The following SNX14 variants were observed in gnomAD, a reference collection of about 807,000 sequenced individuals.
The protein encoded by SNX14 is sorting nexin-14.
SNX14 carries 93 observed loss-of-function variants against 133.8 expected under a neutral mutation model. The observed-to-expected ratio is 0.70, with a 90% confidence interval of 0.59 to 0.83. The LOEUF (loss-of-function observed/expected upper bound fraction) is 0.83, where lower values mean the gene tolerates loss of function less well. SNX14 is among the 40% of genes least tolerant of loss of function. The pLI, the probability that SNX14 is intolerant of heterozygous loss-of-function variation, is 0.00. For synonymous variants in SNX14, 368 were observed against 365.6 expected (o/e 1.01, Z -0.07); for missense variants, 945 against 1,094.9 (o/e 0.86, Z 1.93).
intron 1 of SNX14, among the ~76,000 whole-genome samples, chr6:85,585,995 A>G (rs1441009760): frequency 8.6e-5 from 13 of 152,012 alleles, no homozygotes; most frequent in Admixed American, 2.0e-4. Context: ...AACAGGAAAA[A>G]AAAAAAAAAA....
At position 85,538,871 on chromosome 6, in the gene SNX14, T is replaced by A. The variant is rs377314740; in HGVS notation, c.1449-7A>T. 4.4e-6 allele frequency: 7 copies of A among 1,594,066 alleles called. No individual in the cohort carries two copies. In the South Asian group the frequency reaches 8.0e-5, roughly 18 times the overall value. On this transcript the variant is annotated splice_region_variant and splice_polypyrimidine_tract_variant and intron_variant, in intron 15 of 28. Transcript: ENST00000314673. ...ATCCAAACTTAGGCTACCTCTGCAA[T>A]AACAGGTATGTGAAATAATATAAGG...
chr6:85,550,836 C>A (rs370359638), intron 7 of SNX14, among the ~76,000 whole-genome samples: 1 of 151,428 alleles, frequency 6.6e-6, no homozygotes, highest in Admixed American at 6.6e-5. Context: ...CAGGCTGGAA[C>A]GCAATGGCAT....
At chr6:85,567,769 G>A (rs1794337981) in intron 4 of SNX14, 192 bp from the exon 5 acceptor site, 1 of 363,016 alleles carries the variant, frequency 2.8e-6, no homozygotes, top group African/African-American at 2.2e-5. Context: ...GATGGCTTTA[G>A]CTCACGAGTT....
chr6:85,551,108 C>T (rs1223063405), intron 7 of SNX14, among the ~76,000 whole-genome samples: 1 of 152,118 alleles, frequency 6.6e-6, no homozygotes, highest in African/African-American at 2.4e-5. Flanking sequence ...CATCTGCTTT[C>T]ACATCCAAGT....
At chr6:85,572,761 A>T (rs1157653391) in intron 2 of SNX14, among the ~76,000 whole-genome samples, 1 of 152,162 alleles carries the variant, frequency 6.6e-6, no homozygotes, top group African/African-American at 2.4e-5. Context: ...GTTTGAGGCC[A>T]GCCTGGGAAA....
intron 18 of SNX14, among the ~76,000 whole-genome samples, chr6:85,532,812 T>C (rs541914405): frequency 6.6e-6 from 1 of 152,310 alleles, no homozygotes; most frequent in African/African-American, 2.4e-5. Flanking sequence ...TCTATTACAG[T>C]CTATACCTGA....
At chr6:85,589,969 G>C (rs918122064) in intron 1 of SNX14, among the ~76,000 whole-genome samples, 1 of 152,194 alleles carries the variant, frequency 6.6e-6, no homozygotes, top group African/African-American at 2.4e-5. Flanking sequence ...CTGAATTAGA[G>C]ACATTATGTC....
chr6:85,572,616 A>G (rs1305956195), intron 2 of SNX14, among the ~76,000 whole-genome samples: 1 of 152,224 alleles, frequency 6.6e-6, no homozygotes, highest in Non-Finnish European at 1.5e-5. Flanking sequence ...GCTTAAAGTT[A>G]AAATCAATTG....
At chr6:85,562,130 T>C (rs1791849657) in intron 6 of SNX14, among the ~76,000 whole-genome samples, 1 of 152,210 alleles carries the variant, frequency 6.6e-6, no homozygotes, top group Non-Finnish European at 1.5e-5. Flanking sequence ...TTAATTCACT[T>C]AGGACCAGCT....
chr6:85,580,233 C>T (rs1366972985), intron 1 of SNX14, among the ~76,000 whole-genome samples: 4 of 152,178 alleles, frequency 2.6e-5, no homozygotes, highest in African/African-American at 9.7e-5. Flanking sequence ...TCTAGACACA[C>T]CCTGGGCCAG....
intron 6 of SNX14, among the ~76,000 whole-genome samples, chr6:85,561,507 A>G (rs1015842968): frequency 1.4e-4 from 22 of 152,346 alleles, no homozygotes; most frequent in African/African-American, 4.1e-4. Flanking sequence ...CAACCAATTG[A>G]TATTTCTTAC....
intron 21 of SNX14, among the ~76,000 whole-genome samples, chr6:85,521,106 A>G (rs1461972829): frequency 2.0e-5 from 3 of 152,236 alleles, no homozygotes; most frequent in Admixed American, 1.3e-4. Context: ...GTATAATCAG[A>G]CTTTTAAAAA....
At chr6:85,558,344 C>T (rs773685149) in intron 6 of SNX14, among the ~76,000 whole-genome samples, 11 of 152,084 alleles carry the variant, frequency 7.2e-5, no homozygotes, top group East Asian at 1.9e-4. Context: ...GTATTAAATG[C>T]GTTCAAGGAA....
At chr6:85,511,189 A>AT (rs35816515) in intron 26 of SNX14, among the ~76,000 whole-genome samples, 6 of 152,034 alleles carry the variant, frequency 3.9e-5, no homozygotes, top group African/African-American at 1.4e-4. Flanking sequence ...TGCAAATAGT[A>AT]TTTTTTTTAA....
chr6:85,518,161 A>G lies in SNX14; in HGVS notation c.2108-113T>C, dbSNP rs111303518. ...ACGAAATAGCCAAGTTAAAACTGTA[A>G]AAGTATTTATGATTGACCATTTCAC... On this transcript the variant is annotated intron_variant, in intron 21 of 28. Transcript: ENST00000314673. The G allele has an allele frequency of 3.7e-3, 3,089 of 835,010 alleles. 67 individuals carry two copies. The African/African-American group carries it at 0.049, about 13-fold the overall frequency. The allele number at this position is 835,010 out of a possible 1,614,324, so 51.7% of individuals were successfully genotyped here. A position where few individuals can be genotyped will look rare whatever the true frequency, so the allele number is the denominator to read the frequency against.
chr6:85,531,396 T>G (rs1418512573), intron 18 of SNX14, among the ~76,000 whole-genome samples: 5 of 152,228 alleles, frequency 3.3e-5, no homozygotes, highest in Non-Finnish European at 7.3e-5. Context: ...TAACTGTTAT[T>G]GTTAACATCT....
intron 1 of SNX14, among the ~76,000 whole-genome samples, chr6:85,583,252 C>G (rs1304923648): frequency 6.6e-6 from 1 of 152,142 alleles, no homozygotes; most frequent in African/African-American, 2.4e-5. Flanking sequence ...TTCATGGAAT[C>G]TATCTCAAAA....
intron 21 of SNX14, among the ~76,000 whole-genome samples, chr6:85,521,464 T>TA (rs1346247942): frequency 2.0e-5 from 3 of 152,086 alleles, no homozygotes; most frequent in Non-Finnish European, 4.4e-5. Flanking sequence ...CTGGTGAAAT[T>TA]ATTTTTCTTC....
At chr6:85,515,248 CAG>C (rs1325667642) in intron 23 of SNX14, among the ~76,000 whole-genome samples, 2 of 104,886 alleles carry the variant, frequency 1.9e-5, no homozygotes, top group East Asian at 6.3e-4. Flanking sequence ...GCCTGGGTGA[CAG>C]AGCAAGACCG....
Sources: gnomAD v4.1 joint callset for allele counts (sites outside exome capture counted in the v4.1 genomes callset) on GRCh38, gnomAD v4.1.1 for gene constraint, MANE v1.5 for transcripts, NCBI Gene and HGNC (gene_info 2026-07-23, HGNC 2026-07-21) for gene names.